ITPR2: variants seen among roughly 807,000 people sequenced by gnomAD.
The protein encoded by ITPR2 is inositol 1,4,5-trisphosphate receptor type 2.
A neutral mutation model predicts 317.1 loss-of-function variants in ITPR2; 207 were observed. The observed-to-expected ratio is 0.65, with a 90% CI of 0.58 to 0.73. ITPR2 has a LOEUF of 0.73. Among genes scored for constraint, ITPR2 ranks in the 30% least tolerant of loss-of-function variants. The pLI, the probability that ITPR2 is intolerant of heterozygous loss-of-function variation, is 0.00. For synonymous variants in ITPR2, 1,156 were observed against 1,149.1 expected, an observed-to-expected ratio of 1.01 and a Z score of -0.12; for missense variants, 2,613 against 3,284.0, an observed-to-expected ratio of 0.80 and a Z score of 4.99.
intron 40 of ITPR2, 154 bp downstream of exon 40, chr12:26,486,914 G>T (rs1349704624): frequency 1.3e-6 from 1 of 787,768 alleles, no homozygotes; most frequent in African/African-American, 1.7e-5. Context: ...CCGTTTTAGG[G>T]TCACCCCATG....
chr12:26,658,212 TAATAA>T lies in ITPR2; in HGVS notation c.1887-87_1887-83del, dbSNP rs929618362. ...CACAATAAAGACATAATTTGGAATA[TAATAA>T]AATAAACTTATTATATGTTTTAATA... On this transcript the variant is annotated intron_variant, in intron 16 of 56. Coordinates refer to ENST00000381340, the MANE Select transcript of ITPR2 (RefSeq NM_002223.4). 6 of 962,428 alleles carry T rather than the reference TAATAA, an allele frequency of 6.2e-6. No homozygotes were observed. In the East Asian group the frequency reaches 1.2e-4, roughly 19 times the overall value. 59.6% of individuals were successfully genotyped at this position (962,428 alleles called of 1,614,324 possible).
intron 10 of ITPR2, among the ~76,000 whole-genome samples, chr12:26,690,122 T>C (rs1361487348): frequency 6.6e-6 from 1 of 152,154 alleles, no homozygotes; most frequent in African/African-American, 2.4e-5. Context: ...GTTATACAAA[T>C]AACCTAAAGG....
intron 36 of ITPR2, among the ~76,000 whole-genome samples, chr12:26,555,659 T>A (rs1944643679): frequency 6.6e-6 from 1 of 152,190 alleles, no homozygotes; most frequent in African/African-American, 2.4e-5. Flanking sequence ...GAAACATCAG[T>A]AAACGGAAGA....
At chr12:26,449,346 G>A (rs1037546344) in intron 45 of ITPR2, among the ~76,000 whole-genome samples, 2 of 152,048 alleles carry the variant, frequency 1.3e-5, no homozygotes, top group East Asian at 3.9e-4. Context: ...AAAAACTAAG[G>A]CTTTACGTAT....
At chr12:26,774,974 G>T (rs1215609653) in intron 2 of ITPR2, among the ~76,000 whole-genome samples, 1 of 152,166 alleles carries the variant, frequency 6.6e-6, no homozygotes, top group African/African-American at 2.4e-5. Context: ...CAGTGGCCCT[G>T]GCAGGACTGA....
At chr12:26,803,606 T>C (rs766929735) in intron 1 of ITPR2, among the ~76,000 whole-genome samples, 1 of 152,196 alleles carries the variant, frequency 6.6e-6, no homozygotes, top group Non-Finnish European at 1.5e-5. Context: ...ATAATCCAGT[T>C]AGTAAGAGCT....
At chr12:26,736,399 T>A (rs189758994) in intron 2 of ITPR2, among the ~76,000 whole-genome samples, 63 of 152,290 alleles carry the variant, frequency 4.1e-4, no homozygotes, top group African/African-American at 1.4e-3. Flanking sequence ...AGATTTTTTT[T>A]AAATCCAAAC....
At chr12:26,715,589 A>G in intron 7 of ITPR2, 144 bp from the exon 8 acceptor site, 1 of 855,304 alleles carries the variant, frequency 1.2e-6, no homozygotes, top group Non-Finnish European at 1.8e-6. Flanking sequence ...TAAACATTTA[A>G]AAATGTGGGG....
At chr12:26,724,449 T>A (rs1948886404) in intron 4 of ITPR2, among the ~76,000 whole-genome samples, 1 of 152,214 alleles carries the variant, frequency 6.6e-6, no homozygotes, top group Admixed American at 6.6e-5. Flanking sequence ...GATCACTTCT[T>A]TATGTGTAAA....
chr12:26,657,848 A>C lies in ITPR2; in HGVS notation c.2051T>G (p.Leu684Arg), dbSNP rs1947407610. The C allele has an allele frequency of 1.9e-6, 3 of 1,614,166 alleles. No homozygotes were observed. Among genetic ancestry groups the C allele is most frequent in the South Asian group, 1.1e-5 (1 of 91,088 alleles). The change falls in exon 18 of 57, where the codon CTT (leucine) becomes CGT (arginine). Residue 684 changes from leucine to arginine, a missense_variant. Transcript: ENST00000381340. ...TTCTTCATCATCAATGTCATCTGAA[A>C]GGATGGAGCTCTCCATGGGGTTGTC... ...QADNPMESSI[L>R]SDDIDDEEVW... is the part of the protein sequence containing the mutation.
intron 55 of ITPR2, among the ~76,000 whole-genome samples, chr12:26,383,540 G>A (rs1456368812): frequency 3.3e-5 from 5 of 152,044 alleles, no homozygotes; most frequent in Admixed American, 3.3e-4. Flanking sequence ...CTGGAGGGCA[G>A]TGGCGTGATC....
chr12:26,796,832 C>T (rs1411560457), intron 1 of ITPR2, among the ~76,000 whole-genome samples: 3 of 151,872 alleles, frequency 2.0e-5, no homozygotes, highest in Non-Finnish European at 2.9e-5. Flanking sequence ...GAGTTCGAGA[C>T]CAGTCTGGCC....
intron 48 of ITPR2, among the ~76,000 whole-genome samples, chr12:26,430,305 C>A (rs1941171448): frequency 6.6e-6 from 1 of 152,160 alleles, no homozygotes; most frequent in Admixed American, 6.5e-5. Context: ...GCTCTGTCAC[C>A]CAGGCTGGAG....
At chr12:26,445,338 T>C (rs1363365454) in intron 45 of ITPR2, among the ~76,000 whole-genome samples, 1 of 152,146 alleles carries the variant, frequency 6.6e-6, no homozygotes, top group Non-Finnish European at 1.5e-5. Flanking sequence ...CAGAGGTCAG[T>C]GCTGGAGCTG....
rs1591896566 is a variant in ITPR2 at position 26,556,804 on chromosome 12, T to C, written c.4822-429A>G. Among the ~76,000 whole-genome samples the C allele has an allele frequency of 2.8e-5, 4 of 142,482 alleles. No homozygotes were observed. In the South Asian group the frequency reaches 8.9e-4, roughly 32 times the overall value. The allele number at this position is 142,482 out of a possible 152,430, so 93.5% of individuals were successfully genotyped here. A position where few individuals can be genotyped will look rare whatever the true frequency, so the allele number is the denominator to read the frequency against. On this transcript the variant is annotated intron_variant, in intron 35 of 56. Transcript: ENST00000381340. ...AAAAAAAAAAAAAATTCCAGCCAGG[T>C]GCGGTGCCTCACGCATGTAATCCCA...
intron 55 of ITPR2, among the ~76,000 whole-genome samples, chr12:26,378,536 G>A (rs1025336375): frequency 1.3e-5 from 2 of 152,210 alleles, no homozygotes; most frequent in Non-Finnish European, 2.9e-5. Flanking sequence ...TTAAGCAGGG[G>A]TGCAGTGGTG....
intron 39 of ITPR2, among the ~76,000 whole-genome samples, chr12:26,493,770 A>G (rs1302934045): frequency 1.3e-5 from 2 of 152,158 alleles, no homozygotes; most frequent in Non-Finnish European, 2.9e-5. Context: ...ACTCCCCAGC[A>G]CTCGGGCTCA....
rs1317223552 is a variant in ITPR2 at position 26,565,923 on chromosome 12, GGAGGAGAGGA to G, written c.4631-3981_4631-3972del. Among the ~76,000 whole-genome samples the G allele has an allele frequency of 3.6e-3, 59 of 16,540 alleles. 1 individual carries two copies. Among genetic ancestry groups the G allele is most frequent in the East Asian group, 9.7e-3 (3 of 310 alleles). The allele number at this position is 16,540 out of a possible 152,430, so 10.9% of individuals were successfully genotyped here. ...AGAGGGGAGGGGAGGAGAGGAGAGG[GGAGGAGAGGA>G]GAGGGGAGGAGAGGAGAGGGGAGGA... On this transcript the variant is annotated intron_variant, in intron 34 of 56. Coordinates refer to ENST00000381340, the MANE Select transcript of ITPR2 (RefSeq NM_002223.4).
Position 26,622,213 on chromosome 12 carries a change from G to T in ITPR2, c.3288+27C>A, listed in dbSNP as rs200478575. On this transcript the variant is annotated intron_variant, in intron 25 of 56. Coordinates refer to ENST00000381340, the MANE Select transcript of ITPR2 (RefSeq NM_002223.4). ...TAACACTTTCAGAGCTTTTGCTGTG[G>T]ATGCATTGAGGGCTCTTCAATCTTA... The T allele has an allele frequency of 3.2e-6, 5 of 1,586,708 alleles. No homozygotes were observed. In the East Asian group the frequency reaches 1.1e-4, roughly 36 times the overall value.
Sources: gnomAD v4.1 joint callset for allele counts (sites outside exome capture counted in the v4.1 genomes callset) on GRCh38, gnomAD v4.1.1 for gene constraint, MANE v1.5 for transcripts, NCBI Gene and HGNC (gene_info 2026-07-23, HGNC 2026-07-21) for gene names.